Variants in GDAP2 observed in about 807,000 individuals in gnomAD.
GDAP2 encodes ganglioside induced differentiation associated protein 2.
In GDAP2, 51 loss-of-function variants were observed where a neutral mutation model predicts 67.0. That is an observed-to-expected ratio of 0.76 (90% CI 0.61 to 0.96). GDAP2 has a LOEUF of 0.96. Among genes scored for constraint, GDAP2 ranks in the 40% least tolerant of loss-of-function variants. GDAP2 has a pLI of 0.00. For missense variants in GDAP2, 547 were observed against 588.3 expected (o/e 0.93, Z 0.73); for synonymous variants, 203 against 207.3 (o/e 0.98, Z 0.18).
chr1:117,865,571 G>C lies in GDAP2; in HGVS notation c.*4998C>G, dbSNP rs574007462. 21 of 152,090 alleles carry C rather than the reference G, an allele frequency of 1.4e-4. No individual in the cohort carries two copies. Among genetic ancestry groups the C allele is most frequent in the African/African-American group, 4.6e-4 (19 of 41,470 alleles). The allele number at this position is 152,090 out of a possible 1,614,324, so 9.4% of individuals were successfully genotyped here. ...TCCTGTCTCAGTCTGTGATGACTGTGTGCTTACGTTAACGAAACACATTAC... is the reference window on the plus strand; with the variant it reads ...TCCTGTCTCAGTCTGTGATGACTGTCTGCTTACGTTAACGAAACACATTAC... On this transcript the variant is annotated 3_prime_UTR_variant, in exon 14 of 14. Coordinates refer to ENST00000369443, the MANE Select transcript of GDAP2 (RefSeq NM_017686.4).
intron 6 of GDAP2, among the ~76,000 whole-genome samples, chr1:117,901,245 T>G (rs1649459124): frequency 1.3e-5 from 2 of 149,674 alleles, no homozygotes; most frequent in Non-Finnish European, 1.5e-5. Flanking sequence ...CACACCACAT[T>G]TTTTTTTAAT....
At chr1:117,900,339 C>G (rs1649408812) in intron 6 of GDAP2, among the ~76,000 whole-genome samples, 1 of 152,126 alleles carries the variant, frequency 6.6e-6, no homozygotes, top group South Asian at 2.1e-4. Flanking sequence ...CAATCACCAC[C>G]ACTATTTAAT....
rs1044457511 is a variant in GDAP2, at chr1:117,906,506, C to G, written c.636G>C (p.Glu212Asp). Residue 212 changes from glutamate (E) to aspartate (D), a missense_variant and splice_region_variant, in exon 6 of 14, where the codon GAG becomes GAC. Transcript: ENST00000369443. ...KVVFAVSDLEEGTYQKLLPLY... is the reference protein window; with the variant it reads ...KVVFAVSDLEDGTYQKLLPLY... ...AATAACGTAACAGTTAGCAAAATAC[C>G]TCTTCAAGATCAGAGACAGCAAATA... 6.6e-7 allele frequency: 1 copy of G among 1,507,076 alleles called. No individual in the cohort carries two copies. The highest frequency in any genetic ancestry group is 9.2e-7 in the Non-Finnish European group (1 of 1,092,448). 93.4% of individuals were successfully genotyped at this position (1,507,076 alleles called of 1,614,324 possible).
intron 12 of GDAP2, among the ~76,000 whole-genome samples, chr1:117,880,037 T>G (rs1004670900): frequency 6.6e-6 from 1 of 151,950 alleles, no homozygotes; most frequent in African/African-American, 2.4e-5. Context: ...TAAAAAAAAT[T>G]AGCCAGACAT....
In GDAP2 at chr1:117,866,249, A is replaced by T. The variant is rs557363873; in HGVS notation, c.*4320T>A. On this transcript the variant is annotated 3_prime_UTR_variant, in exon 14 of 14. Coordinates refer to ENST00000369443, the MANE Select transcript of GDAP2 (RefSeq NM_017686.4). ...TATAAGAAGAGACAGGAAAGTAACG[A>T]TGTCTCTCTCTCTCTGCCAAGTGAG... is the stretch of plus-strand genomic sequence containing the variant. 38 of 152,294 alleles carry T rather than the reference A, an allele frequency of 2.5e-4. No homozygotes were observed. Among genetic ancestry groups the T allele is most frequent in the Admixed American group, 2.6e-4 (4 of 15,286 alleles). The allele number at this position is 152,294 out of a possible 1,614,324, so 9.4% of individuals were successfully genotyped here. A position where few individuals can be genotyped will look rare whatever the true frequency, so the allele number is the denominator to read the frequency against.
rs1570960672 is a variant in GDAP2, at chr1:117,870,596, T to C, written c.1467A>G (p.Thr489=). 1.2e-6 allele frequency: 2 copies of C among 1,605,520 alleles called. No individual in the cohort carries two copies. The highest frequency in any genetic ancestry group is 1.3e-5 in the African/African-American group (1 of 74,734). The change falls in exon 14 of 14, where the codon ACA becomes ACG. Residue 489 remains threonine, a synonymous_variant. Transcript: ENST00000369443. ...ACAAATCTGGTGATGGGGGATATGATGTATAGTAAGGCCCGTTTTCCTGTG... is the reference window on the plus strand; with the variant it reads ...ACAAATCTGGTGATGGGGGATATGACGTATAGTAAGGCCCGTTTTCCTGTG... ...YDARENGPYY[T]SYPPSPDL is the part of the protein sequence containing the mutation.
intron 6 of GDAP2, among the ~76,000 whole-genome samples, chr1:117,900,105 T>A (rs1242021489): frequency 1.3e-5 from 2 of 152,166 alleles, no homozygotes; most frequent in South Asian, 4.1e-4. Context: ...AGAATTCACA[T>A]ACCATAAAAT....
chr1:117,886,795 C>T, intron 9 of GDAP2, 142 bp from the exon 10 acceptor site: 1 of 567,510 alleles, frequency 1.8e-6, no homozygotes, highest in Non-Finnish European at 3.1e-6. Context: ...TTTCATCTTC[C>T]AATTTTTTTT....
At chr1:117,883,261 A>T in intron 11 of GDAP2, 3 of 417,930 alleles carry the variant, frequency 7.2e-6, no homozygotes, top group African/African-American at 2.0e-5. Context: ...TTGTTATTTT[A>T]TCCACAAAGA....
chr1:117,878,021 T>A lies in GDAP2; in HGVS notation c.1434A>T (p.Glu478Asp), dbSNP rs764459166. Residue 478 changes from glutamate to aspartate, a missense_variant, in exon 13 of 14, where the codon GAA becomes GAT. By Grantham distance (45) the Glu-to-Asp change is conservative. Coordinates refer to ENST00000369443, the MANE Select transcript of GDAP2 (RefSeq NM_017686.4). ...TGGTACTTCTTACCCTGGCATCATA[T>A]TCAAGGACAAAAGGAGGAAAGTCAA... The part of the protein sequence containing the change: ...EQIDFPPFVL[E>D]YDARENGPYY... The A allele has an allele frequency of 2.5e-6, 4 of 1,613,238 alleles. No individual in the cohort carries two copies. The South Asian group carries it at 4.4e-5, about 18-fold the overall frequency.
chr1:117,924,021 T>G (rs2101172321), intron 1 of GDAP2, among the ~76,000 whole-genome samples: 1 of 152,368 alleles, frequency 6.6e-6, no homozygotes, highest in Non-Finnish European at 1.5e-5. Context: ...GTTTCTCTGT[T>G]ATTTGAAAAT....
Position 117,890,065 on chromosome 1 carries a change from G to A in GDAP2, c.954-2291C>T, listed in dbSNP as rs545967839. Among the ~76,000 whole-genome samples, 18 of 152,246 alleles carry A rather than the reference G, an allele frequency of 1.2e-4. No individual in the cohort carries two copies. In the South Asian group the frequency reaches 3.5e-3, roughly 30 times the overall value. ...CTCTTGAGTTTAAGGTTGCATATGTGAGACAGACATATTACAGTACGAAGA... is the reference window on the plus strand; with the variant it reads ...CTCTTGAGTTTAAGGTTGCATATGTAAGACAGACATATTACAGTACGAAGA... On this transcript the variant is annotated intron_variant, in intron 8 of 13. Coordinates refer to ENST00000369443, the MANE Select transcript of GDAP2 (RefSeq NM_017686.4).
Position 117,912,085 on chromosome 1 carries a change from G to T in GDAP2, c.471-3C>A, listed in dbSNP as rs1326175945. The stretch of plus-strand genomic sequence containing the variant: ...CAACAGAAGACATTGACTGCTCTCT[G>T]CAACAAAGGGAAAACACAAAAATTG... On this transcript the variant is annotated splice_polypyrimidine_tract_variant and splice_region_variant and intron_variant, in intron 4 of 13. Coordinates refer to ENST00000369443, the MANE Select transcript of GDAP2 (RefSeq NM_017686.4). The T allele has an allele frequency of 1.9e-6, 3 of 1,583,982 alleles. No homozygotes were observed. Among genetic ancestry groups the T allele is most frequent in the African/African-American group, 1.3e-5 (1 of 74,404 alleles).
intron 8 of GDAP2, among the ~76,000 whole-genome samples, chr1:117,889,800 A>G (rs1157432957): frequency 6.6e-6 from 1 of 152,152 alleles, no homozygotes; most frequent in Non-Finnish European, 1.5e-5. Context: ...GAGACTAAAC[A>G]GCAAAATGTA....
intron 5 of GDAP2, among the ~76,000 whole-genome samples, chr1:117,910,656 T>A (rs1024163487): frequency 1.3e-5 from 2 of 152,186 alleles, no homozygotes; most frequent in Admixed American, 6.5e-5. Context: ...CAGGGGCTCT[T>A]AAAGATGATT....
At chr1:117,927,856 C>A (rs1278751960) in intron 1 of GDAP2, among the ~76,000 whole-genome samples, 1 of 152,122 alleles carries the variant, frequency 6.6e-6, no homozygotes, top group Admixed American at 6.5e-5. Flanking sequence ...AGTACCCCTT[C>A]ATATTAAATG....
In GDAP2 at chr1:117,889,853, T is replaced by C. The variant is rs116227580; in HGVS notation, c.954-2079A>G. Among the ~76,000 whole-genome samples, 1,031 of 152,182 alleles carry C rather than the reference T, an allele frequency of 6.8e-3. 9 individuals are homozygous for C. The highest frequency in any genetic ancestry group is 0.023 in the African/African-American group (968 of 41,546). On this transcript the variant is annotated intron_variant, in intron 8 of 13. Coordinates refer to ENST00000369443, the MANE Select transcript of GDAP2 (RefSeq NM_017686.4). ...ACCACAGTATCTAGCACAAAGCATA[T>C]AACAGGATTCAATTAATACCTATTA...
intron 3 of GDAP2, among the ~76,000 whole-genome samples, chr1:117,916,898 G>A (rs917896980): frequency 6.6e-6 from 1 of 152,040 alleles, no homozygotes; most frequent in Non-Finnish European, 1.5e-5. Flanking sequence ...GCCAGGTATG[G>A]TGGCACACAC....
intron 6 of GDAP2, among the ~76,000 whole-genome samples, chr1:117,903,330 A>G (rs1267057722): frequency 6.6e-6 from 1 of 152,206 alleles, no homozygotes. Context: ...AACTGGCAAG[A>G]GCAAAAATCT....
Sources: gnomAD v4.1 joint callset for allele counts (sites outside exome capture counted in the v4.1 genomes callset) on GRCh38, gnomAD v4.1.1 for gene constraint, MANE v1.5 for transcripts, NCBI Gene and HGNC (gene_info 2026-07-23, HGNC 2026-07-21) for gene names.